CUL2: variants seen among roughly 807,000 people sequenced by gnomAD.
The protein encoded by CUL2 is cullin 2, also known as cullin-2.
A neutral mutation model predicts 110.2 loss-of-function variants in CUL2; 22 were observed. The ratio of observed to expected loss-of-function variants is 0.20; its 90% CI spans 0.14 to 0.28. The LOEUF is 0.28. Ranked by LOEUF, CUL2 falls within the 10% of genes least tolerant of loss-of-function variation. The pLI is 1.00. For missense variants in CUL2, 631 were observed against 905.5 expected (o/e 0.70, Z 3.89); for synonymous variants, 279 against 293.2 (o/e 0.95, Z 0.49).
chr10:35,042,630 A>C (rs1409136170), intron 8 of CUL2, among the ~76,000 whole-genome samples: 1 of 152,134 alleles, frequency 6.6e-6, no homozygotes, highest in African/African-American at 2.4e-5. Flanking sequence ...CAAAAATCCA[A>C]GAAGACTGGG....
chr10:35,070,394 C>A (rs997206177), intron 2 of CUL2, among the ~76,000 whole-genome samples: 1 of 152,156 alleles, frequency 6.6e-6, no homozygotes, highest in Non-Finnish European at 1.5e-5. Context: ...CTGAATTAGG[C>A]ATTCAGAACA....
rs1203740734 is a variant in CUL2 at position 35,062,689 on chromosome 10, T to C, written c.222+271A>G. On this transcript the variant is annotated intron_variant, in intron 3 of 20. Transcript: ENST00000374749. ...CTCTACCAAAAAAAAAAAAAAAAAA[T>C]TGCCAGGTGTGGTGGTGTGTGTCTG... Among the ~76,000 whole-genome samples, 4 of 135,666 alleles carry C rather than the reference T, an allele frequency of 2.9e-5. No homozygotes were observed. The Admixed American group carries it at 3.0e-4, about 10-fold the overall frequency. 89.0% of individuals were successfully genotyped at this position (135,666 alleles called of 152,430 possible). A position where few individuals can be genotyped will look rare whatever the true frequency, so the allele number is the denominator to read the frequency against.
At chr10:35,040,056 G>C (rs2085742026) in intron 8 of CUL2, among the ~76,000 whole-genome samples, 1 of 152,162 alleles carries the variant, frequency 6.6e-6, no homozygotes, top group South Asian at 2.1e-4. Flanking sequence ...GGGAGGCTGA[G>C]GCAGAAGAAC....
chr10:35,115,233 G>C (rs1005811256), intron 1 of CUL2, among the ~76,000 whole-genome samples: 13 of 150,796 alleles, frequency 8.6e-5, no homozygotes, highest in African/African-American at 2.4e-4. Flanking sequence ...GCAAGATTCT[G>C]TCTAAAAAAT....
Position 35,038,987 on chromosome 10 carries a change from C to A in CUL2, c.810G>T (p.Met270Ile). The A allele has an allele frequency of 6.2e-7, 1 of 1,609,924 alleles. No individual in the cohort carries two copies. The highest frequency in any genetic ancestry group is 2.2e-5 in the East Asian group (1 of 44,698). ...GTAAAAACTGTAAGTGGTCTGCTAC[C>A]ATTCGTTGTTGACATTCATGAATCA... The part of the protein sequence containing the change: ...TKVIHECQQR[M>I]VADHLQFLHA... Residue 270 changes from methionine (M) to isoleucine (I), a missense_variant, in exon 9 of 21, where the codon ATG (methionine) becomes ATT (isoleucine). Physicochemically the swap from Met to Ile is conservative, Grantham distance 10. Transcript: ENST00000374749.
At chr10:35,124,819 C>T (rs2087720478) in intron 1 of CUL2, among the ~76,000 whole-genome samples, 1 of 152,112 alleles carries the variant, frequency 6.6e-6, no homozygotes, top group Admixed American at 6.5e-5. Flanking sequence ...AAGAGGTGCT[C>T]CTCCCGACCC....
intron 9 of CUL2, among the ~76,000 whole-genome samples, chr10:35,035,550 A>T (rs2085600688): frequency 1.3e-5 from 2 of 152,180 alleles, no homozygotes; most frequent in Non-Finnish European, 2.9e-5. Flanking sequence ...CCCTTTTAAT[A>T]CAGTGTACTG....
At chr10:35,036,475 G>C (rs1415276817) in intron 9 of CUL2, among the ~76,000 whole-genome samples, 2 of 152,132 alleles carry the variant, frequency 1.3e-5, no homozygotes, top group Non-Finnish European at 2.9e-5. Flanking sequence ...ATATGTTTAG[G>C]AGAACTGCTG....
At chr10:35,028,924 G>A in intron 15 of CUL2, 37 bp from the exon 16 acceptor site, 1 of 1,203,928 alleles carries the variant, frequency 8.3e-7, no homozygotes, top group African/African-American at 1.5e-5. Flanking sequence ...AAGCTAAATG[G>A]ATCAACATCT....
At chr10:35,063,414 T>C (rs956056403) in intron 2 of CUL2, among the ~76,000 whole-genome samples, 4 of 152,192 alleles carry the variant, frequency 2.6e-5, no homozygotes, top group Non-Finnish European at 5.9e-5. Flanking sequence ...GTATCAATAG[T>C]ATCAATGATA....
chr10:35,021,913 A>AGGTGGGGGG (rs1322020013), intron 17 of CUL2, among the ~76,000 whole-genome samples: 1 of 131,382 alleles, frequency 7.6e-6, no homozygotes, highest in Non-Finnish European at 1.7e-5. Context: ...AGGTGGGGCG[A>AGGTGGGGGG]AGTGGGGCGA....
intron 2 of CUL2, among the ~76,000 whole-genome samples, chr10:35,098,980 G>A (rs1307365808): frequency 6.6e-6 from 1 of 152,130 alleles, no homozygotes; most frequent in Non-Finnish European, 1.5e-5. Context: ...CATTTGAGAA[G>A]ATAGGAACAA....
At chr10:35,024,065 G>T (rs2085274335) in intron 17 of CUL2, among the ~76,000 whole-genome samples, 1 of 152,108 alleles carries the variant, frequency 6.6e-6, no homozygotes, top group African/African-American at 2.4e-5. Flanking sequence ...AAACTCCTGG[G>T]ATTAAGTGAC....
chr10:35,062,753 C>T (rs934741280), intron 3 of CUL2, among the ~76,000 whole-genome samples: 3 of 151,638 alleles, frequency 2.0e-5, no homozygotes, highest in African/African-American at 7.3e-5. Flanking sequence ...GGGAGGATCA[C>T]GTAAGCCAGG....
intron 1 of CUL2, among the ~76,000 whole-genome samples, chr10:35,108,526 A>C (rs1186393126): frequency 6.6e-6 from 1 of 152,060 alleles, no homozygotes; most frequent in East Asian, 1.9e-4. Flanking sequence ...AAAGACAGGG[A>C]GAAATGAAAA....
chr10:35,070,414 A>ACT (rs1420808990), intron 2 of CUL2, among the ~76,000 whole-genome samples: 7 of 152,178 alleles, frequency 4.6e-5, no homozygotes, highest in African/African-American at 1.7e-4. Context: ...AAGCTGAACT[A>ACT]CTATCTTATG....
intron 1 of CUL2, among the ~76,000 whole-genome samples, chr10:35,108,422 ACTCTAGC>A (rs1050475559): frequency 2.0e-5 from 3 of 151,056 alleles, no homozygotes; most frequent in African/African-American, 4.9e-5. Context: ...ACACCACTAT[ACTCTAGC>A]CTGGGCGACA....
intron 1 of CUL2, among the ~76,000 whole-genome samples, chr10:35,079,323 C>T (rs1240238056): frequency 6.6e-6 from 1 of 152,142 alleles, no homozygotes; most frequent in Admixed American, 6.6e-5. Context: ...ACACATGCAT[C>T]GGAAGGTCGG....
rs773281928 is a variant in CUL2 at position 35,060,942 on chromosome 10, T to A, written c.249A>T (p.Val83=). 1 of 1,613,780 alleles carries A rather than the reference T, an allele frequency of 6.2e-7. No homozygotes were observed. Among genetic ancestry groups the A allele is most frequent in the South Asian group, 1.1e-5 (1 of 91,034 alleles). Residue 83 remains valine (V), a synonymous_variant, in exon 4 of 21, where the codon GTA becomes GTT. Coordinates refer to ENST00000374749, the MANE Select transcript of CUL2 (RefSeq NM_003591.4). The part of the protein sequence containing the change: ...HKRVLESEEQ[V]LVMYHRYWEE... ...CCCAGTACCTATGATACATAACAAGTACTTGTTCTTCTGACTCCAAAACTC... is the reference window on the plus strand; with the variant it reads ...CCCAGTACCTATGATACATAACAAGAACTTGTTCTTCTGACTCCAAAACTC...
Sources: allele counts gnomAD v4.1 joint callset (sites outside exome capture counted in the v4.1 genomes callset), GRCh38; gene constraint gnomAD v4.1.1; transcripts MANE v1.5; gene names NCBI Gene and HGNC (gene_info 2026-07-23, HGNC 2026-07-21).